The following IL1RAPL1 variants were observed in gnomAD, a reference collection of about 807,000 sequenced individuals.
IL1RAPL1 encodes interleukin 1 receptor accessory protein like 1, also known as interleukin-1 receptor accessory protein-like 1.
Under a neutral mutation model 48.4 loss-of-function variants are expected in IL1RAPL1, and 3 were observed. That is an observed-to-expected ratio of 0.06 (90% CI 0.03 to 0.16). The LOEUF is 0.16. Ranked by LOEUF, IL1RAPL1 falls within the 10% of genes least tolerant of loss-of-function variation. The pLI is 1.00. For missense variants in IL1RAPL1, 349 were observed against 530.6 expected, an observed-to-expected ratio of 0.66 and a Z score of 3.36; for synonymous variants, 185 against 187.7, an observed-to-expected ratio of 0.99 and a Z score of 0.12.
At chrX:28,903,930 GAT>G (rs1187795695) in intron 2 of IL1RAPL1, among the ~76,000 whole-genome samples, 3 of 109,240 alleles carry the variant, frequency 2.7e-5, no homozygotes, top group Non-Finnish European at 5.7e-5. Context: ...ATATGTATCT[GAT>G]ATATATAACC....
intron 2 of IL1RAPL1, among the ~76,000 whole-genome samples, chrX:28,816,697 G>A (rs1360227124): frequency 3.6e-5 from 4 of 111,016 alleles, no homozygotes; most frequent in African/African-American, 1.3e-4. Context: ...GTGCTGCAAT[G>A]AACATACAAG....
At chrX:29,005,633 A>G (rs950223894) in intron 2 of IL1RAPL1, among the ~76,000 whole-genome samples, 4 of 111,440 alleles carry the variant, frequency 3.6e-5, no homozygotes, top group Middle Eastern at 4.2e-3. Flanking sequence ...AATGACCCCA[A>G]TTTTTCCCCA....
At chrX:28,609,314 T>C (rs1934119446) in intron 1 of IL1RAPL1, among the ~76,000 whole-genome samples, 2 of 111,300 alleles carry the variant, frequency 1.8e-5, no homozygotes, top group African/African-American at 3.3e-5. Flanking sequence ...TTTCTAACTC[T>C]CCAAGTTCCA....
intron 2 of IL1RAPL1, among the ~76,000 whole-genome samples, chrX:28,988,229 T>G (rs1391077770): frequency 8.9e-6 from 1 of 111,913 alleles, no homozygotes; most frequent in African/African-American, 3.2e-5. Flanking sequence ...TTTTTACAGC[T>G]TTTGTTTTAT....
intron 2 of IL1RAPL1, among the ~76,000 whole-genome samples, chrX:29,128,774 G>A (rs1336922046): frequency 1.8e-5 from 2 of 111,405 alleles, no homozygotes; most frequent in Non-Finnish European, 3.8e-5. Flanking sequence ...TGGATGGATG[G>A]ATGGATAGAA....
chrX:29,688,383 C>T (rs1926684654), intron 6 of IL1RAPL1, among the ~76,000 whole-genome samples: 1 of 111,522 alleles, frequency 9.0e-6, no homozygotes, highest in African/African-American at 3.3e-5. Context: ...TTTTTCTTTC[C>T]CTTCCATCTG....
At chrX:29,331,559 A>T (rs757907111) in intron 3 of IL1RAPL1, among the ~76,000 whole-genome samples, 6 of 112,019 alleles carry the variant, frequency 5.4e-5, no homozygotes, top group Non-Finnish European at 1.1e-4. Flanking sequence ...TCTGAAAGTC[A>T]CCAAGGAGTT....
intron 6 of IL1RAPL1, among the ~76,000 whole-genome samples, chrX:29,782,096 G>GTCTATCTATCTATCTATCTATCTA (rs1464490641): frequency 1.1e-5 from 1 of 90,465 alleles, no homozygotes; most frequent in Non-Finnish European, 2.2e-5. Context: ...CTGTCTGTCT[G>GTCTATCTATCTATCTATCTATCTA]TCTGTCTATC....
chrX:29,309,074 A>G (rs1932666860), intron 3 of IL1RAPL1, among the ~76,000 whole-genome samples: 1 of 112,627 alleles, frequency 8.9e-6, no homozygotes, highest in Non-Finnish European at 1.9e-5. Flanking sequence ...GACATAAGTC[A>G]ATATTGTATC....
intron 2 of IL1RAPL1, among the ~76,000 whole-genome samples, chrX:28,858,155 T>C (rs1921850068): frequency 8.9e-6 from 1 of 112,398 alleles, no homozygotes; most frequent in Non-Finnish European, 1.9e-5. Context: ...AATATCATGA[T>C]AACATTTTAA....
chrX:29,318,652 C>G (rs774750399), intron 3 of IL1RAPL1, among the ~76,000 whole-genome samples: 3 of 112,554 alleles, frequency 2.7e-5, no homozygotes, highest in Non-Finnish European at 5.6e-5. Flanking sequence ...AAAGAATAAC[C>G]TCATGTAAAT....
chrX:29,109,286 A>C (rs1048340455), intron 2 of IL1RAPL1, among the ~76,000 whole-genome samples: 5 of 93,154 alleles, frequency 5.4e-5, no homozygotes, highest in Non-Finnish European at 1.1e-4. Context: ...CATTTCAGAG[A>C]GTACCTGTTC....
intron 1 of IL1RAPL1, among the ~76,000 whole-genome samples, chrX:28,678,663 A>G (rs1246775427): frequency 9.0e-6 from 1 of 111,684 alleles, no homozygotes; most frequent in Non-Finnish European, 1.9e-5. Context: ...TAAATATAGT[A>G]TTTAATCTTC....
chrX:29,316,397 A>G (rs1932770552), intron 3 of IL1RAPL1, among the ~76,000 whole-genome samples: 1 of 112,115 alleles, frequency 8.9e-6, no homozygotes, highest in Non-Finnish European at 1.9e-5. Flanking sequence ...GAACATTATG[A>G]AAAATAAAAA....
At chrX:28,588,206 ATGTGTGTG>A (rs768348078) in intron 1 of IL1RAPL1, among the ~76,000 whole-genome samples, 159 bp downstream of exon 1, 2,213 of 49,903 alleles carry the variant, frequency 0.044, 28 homozygotes, top group Admixed American at 0.095. Context: ...GTGTGTTGAT[ATGTGTGTG>A]TGTGTGTGTG....
At chrX:29,845,498 C>T in intron 6 of IL1RAPL1, among the ~76,000 whole-genome samples, 1 of 111,687 alleles carries the variant, frequency 9.0e-6, no homozygotes, top group Admixed American at 9.5e-5. Context: ...CTGGGCATGA[C>T]AGTTTTAACT....
chrX:29,700,414 T>C (rs1176873336), intron 6 of IL1RAPL1, among the ~76,000 whole-genome samples: 2 of 111,835 alleles, frequency 1.8e-5, no homozygotes, highest in Non-Finnish European at 3.8e-5. Context: ...CTTGCTTCAG[T>C]TCATTTTGCA....
intron 6 of IL1RAPL1, among the ~76,000 whole-genome samples, chrX:29,784,294 T>C (rs150129547): frequency 2.7e-5 from 3 of 111,598 alleles, no homozygotes; most frequent in Non-Finnish European, 3.8e-5. Context: ...AAGTACCCTA[T>C]GTGTTTAACT....
intron 1 of IL1RAPL1, among the ~76,000 whole-genome samples, chrX:28,640,397 G>C (rs1203768526): frequency 9.0e-6 from 1 of 110,911 alleles, no homozygotes; most frequent in African/African-American, 3.3e-5. Flanking sequence ...CCAGGCTGGA[G>C]TGCAGTGGTG....
Sources: gnomAD v4.1 joint callset for allele counts (sites outside exome capture counted in the v4.1 genomes callset) on GRCh38, gnomAD v4.1.1 for gene constraint, MANE v1.5 for transcripts, NCBI Gene and HGNC (gene_info 2026-07-23, HGNC 2026-07-21) for gene names.